The following AMBRA1 variants were observed in gnomAD, a reference collection of about 807,000 sequenced individuals.
The protein encoded by AMBRA1 is activating molecule in BECN1-regulated autophagy protein 1.
In AMBRA1, 47 loss-of-function variants were observed where a neutral mutation model predicts 125.4. That is an observed-to-expected ratio of 0.37 (90% CI 0.30 to 0.48). The LOEUF (loss-of-function observed/expected upper bound fraction) is 0.48, where lower values mean the gene tolerates loss of function less well. Among genes scored for constraint, AMBRA1 ranks in the 20% least tolerant of loss-of-function variants. The pLI is 0.99. For missense variants in AMBRA1, 1,331 were observed against 1,693.4 expected, an observed-to-expected ratio of 0.79 and a Z score of 3.76; for synonymous variants, 626 against 655.5, an observed-to-expected ratio of 0.95 and a Z score of 0.69.
intron 1 of AMBRA1, chr11:46,591,272 C>T (rs1663922766): frequency 6.6e-6 from 1 of 152,096 alleles, no homozygotes. Context: ...TCTCTTCTAC[C>T]ATAAAAACTT....
intron 11 of AMBRA1, among the ~76,000 whole-genome samples, chr11:46,487,767 CA>C (rs753048389): frequency 1.4e-4 from 21 of 151,958 alleles, no homozygotes; most frequent in Non-Finnish European, 2.5e-4. Context: ...ATAAAAACAT[CA>C]GAAATACAAA....
At chr11:46,479,906 T>C (rs1481415205) in intron 11 of AMBRA1, among the ~76,000 whole-genome samples, 2 of 152,198 alleles carry the variant, frequency 1.3e-5, no homozygotes, top group East Asian at 1.9e-4. Flanking sequence ...CTCAGTTCTA[T>C]AGGCCTGAAG....
chr11:46,423,757 ATTTTTTT>A (rs538298573), intron 14 of AMBRA1, among the ~76,000 whole-genome samples: 4 of 98,878 alleles, frequency 4.0e-5, no homozygotes, highest in Admixed American at 1.1e-4. Context: ...CAGTGCACCC[ATTTTTTT>A]TTTTTTTTTT....
chr11:46,492,877 C>T (rs1326877640), intron 11 of AMBRA1, among the ~76,000 whole-genome samples: 1 of 152,040 alleles, frequency 6.6e-6, no homozygotes, highest in African/African-American at 2.4e-5. Flanking sequence ...TTGAAACCCC[C>T]TCTCTACTAA....
chr11:46,397,447 T>C lies in AMBRA1; in HGVS notation c.*3A>G. On this transcript the variant is annotated 3_prime_UTR_variant, in exon 18 of 18. Transcript: ENST00000683756. ...AGGGGAGGCACCAGTGCAACGTTTG[T>C]CTCTACCTGTTCCGTGGTTCTCCCC... The C allele has an allele frequency of 1.3e-6, 2 of 1,500,284 alleles. No individual in the cohort carries two copies. The highest frequency in any genetic ancestry group is 2.8e-5 in the South Asian group (2 of 72,702). 92.9% of individuals were successfully genotyped at this position (1,500,284 alleles called of 1,614,324 possible).
At chr11:46,489,927 A>G (rs141758483) in intron 11 of AMBRA1, among the ~76,000 whole-genome samples, 2,481 of 152,364 alleles carry the variant, frequency 0.016, 28 homozygotes, top group Non-Finnish European at 0.025. Flanking sequence ...ACCCGGTTTA[A>G]AATTCCAGGT....
intron 7 of AMBRA1, among the ~76,000 whole-genome samples, chr11:46,516,082 G>T (rs191383649): frequency 2.6e-5 from 4 of 152,258 alleles, no homozygotes; most frequent in African/African-American, 7.2e-5. Context: ...AAGCTTTGTT[G>T]CTGGAGAGTC....
intron 14 of AMBRA1, among the ~76,000 whole-genome samples, chr11:46,426,667 C>T (rs982195217): frequency 6.6e-5 from 10 of 152,176 alleles, no homozygotes; most frequent in African/African-American, 2.4e-4. Flanking sequence ...TATACTTCTT[C>T]CCCCTTTTCC....
At chr11:46,508,509 C>G in intron 8 of AMBRA1, 139 bp from the exon 9 acceptor site, 1 of 806,394 alleles carries the variant, frequency 1.2e-6, no homozygotes, top group Non-Finnish European at 1.9e-6. Flanking sequence ...GCATTTAACT[C>G]AACTCACCAG....
chr11:46,411,550 C>T (rs1277760360), intron 15 of AMBRA1, among the ~76,000 whole-genome samples: 1 of 152,192 alleles, frequency 6.6e-6, no homozygotes, highest in Non-Finnish European at 1.5e-5. Context: ...CTCATTGCAA[C>T]CTCTGCCTCC....
At chr11:46,408,986 C>T (rs919931701) in intron 16 of AMBRA1, among the ~76,000 whole-genome samples, 3 of 152,198 alleles carry the variant, frequency 2.0e-5, no homozygotes, top group South Asian at 2.1e-4. Context: ...AGGCCCCTGT[C>T]GGGGAGTGGG....
intron 12 of AMBRA1, among the ~76,000 whole-genome samples, chr11:46,441,464 G>A (rs111816575): frequency 6.6e-6 from 1 of 151,994 alleles, no homozygotes; most frequent in African/African-American, 2.4e-5. Flanking sequence ...GCAGTACACC[G>A]AGATCATGCG....
chr11:46,554,152 G>A (rs574903934), intron 1 of AMBRA1, among the ~76,000 whole-genome samples: 1 of 152,270 alleles, frequency 6.6e-6, no homozygotes, highest in South Asian at 2.1e-4. Context: ...AAGTTCAGAA[G>A]AAACATCTTG....
At chr11:46,578,378 T>C (rs970934633) in intron 1 of AMBRA1, among the ~76,000 whole-genome samples, 1 of 151,788 alleles carries the variant, frequency 6.6e-6, no homozygotes, top group African/African-American at 2.4e-5. Flanking sequence ...TCCCAGCTAC[T>C]TGGGAGGCTG....
At chr11:46,531,951 C>G (rs1952235927) in intron 7 of AMBRA1, among the ~76,000 whole-genome samples, 1 of 151,750 alleles carries the variant, frequency 6.6e-6, no homozygotes, top group Non-Finnish European at 1.5e-5. Context: ...AACCCTGTCT[C>G]TACTGAAAAT....
chr11:46,426,542 T>C (rs1947147049), intron 14 of AMBRA1, among the ~76,000 whole-genome samples: 1 of 152,254 alleles, frequency 6.6e-6, no homozygotes. Flanking sequence ...GAATCTGTCA[T>C]GGAAAAATTT....
chr11:46,467,895 A>C (rs1380106207), intron 11 of AMBRA1, among the ~76,000 whole-genome samples: 5 of 152,290 alleles, frequency 3.3e-5, no homozygotes, highest in Admixed American at 2.6e-4. Context: ...CATGTTTACC[A>C]GAAGTCTAGG....
intron 9 of AMBRA1, among the ~76,000 whole-genome samples, chr11:46,496,979 G>A (rs1735029332): frequency 6.6e-6 from 1 of 152,002 alleles, no homozygotes; most frequent in Non-Finnish European, 1.5e-5. Context: ...AGACGTGATG[G>A]CGAGCGCCTG....
chr11:46,509,162 T>C (rs930684202), intron 8 of AMBRA1, among the ~76,000 whole-genome samples: 18 of 152,270 alleles, frequency 1.2e-4, no homozygotes, highest in Admixed American at 5.2e-4. Context: ...TTCTCCTTTA[T>C]GATGGCTATT....
Sources: allele counts gnomAD v4.1 joint callset (sites outside exome capture counted in the v4.1 genomes callset), GRCh38; gene constraint gnomAD v4.1.1; transcripts MANE v1.5; gene names NCBI Gene and HGNC (gene_info 2026-07-23, HGNC 2026-07-21).